Variants in SLC2A6 observed in about 807,000 individuals in gnomAD.
SLC2A6 encodes the protein solute carrier family 2 member 6, also known as solute carrier family 2, facilitated glucose transporter member 6.
A neutral mutation model predicts 47.8 loss-of-function variants in SLC2A6; 39 were observed. That is an observed-to-expected ratio of 0.82 (90% CI 0.63 to 1.07). The LOEUF (loss-of-function observed/expected upper bound fraction) is 1.07, where lower values mean the gene tolerates loss of function less well. Ranked by LOEUF, SLC2A6 falls within the 50% of genes least tolerant of loss-of-function variation. The probability of loss-of-function intolerance (pLI) is 0.00; values close to 1 mark genes in which losing one functional copy is unlikely to be tolerated. For missense variants in SLC2A6, 650 were observed against 707.6 expected (o/e 0.92, Z 0.92); for synonymous variants, 346 against 324.1 (o/e 1.07, Z -0.73).
At chr9:133,473,692 G>A (rs916604658) in intron 7 of SLC2A6, 92 bp from the exon 8 acceptor site, 19 of 1,311,194 alleles carry the variant, frequency 1.4e-5, no homozygotes, top group South Asian at 7.9e-5. Flanking sequence ...TGATACTTGC[G>A]TGGTCCAGCT....
rs1843730441 is a variant in SLC2A6, at chr9:133,471,909, T to C, written c.*112A>G. The C allele has an allele frequency of 3.1e-6, 4 of 1,306,482 alleles. No individual in the cohort carries two copies. Among genetic ancestry groups the C allele is most frequent in the Non-Finnish European group, 4.2e-6 (4 of 948,054 alleles). 80.9% of individuals were successfully genotyped at this position (1,306,482 alleles called of 1,614,324 possible). A position where few individuals can be genotyped will look rare whatever the true frequency, so the allele number is the denominator to read the frequency against. ...CCCCATCACACTGCTCTTCCTGTGC[T>C]CTGGCTGGTGGCAGGGATGACTGCT... On this transcript the variant is annotated 3_prime_UTR_variant, in exon 10 of 10. Transcript: ENST00000371899.
rs782075758 is a variant in SLC2A6 at position 133,474,947 on chromosome 9, G to A, written c.927+14C>T. 5.9e-6 allele frequency: 9 copies of A among 1,517,608 alleles called. No homozygotes were observed. In the African/African-American group the frequency reaches 9.7e-5, roughly 16 times the overall value. The allele number at this position is 1,517,608 out of a possible 1,614,324, so 94.0% of individuals were successfully genotyped here. On this transcript the variant is annotated intron_variant, in intron 6 of 9. Transcript: ENST00000371899. ...GACCCCGTGGGTGGGCGCCGGCCGG[G>A]GCTGGGCTCTCACCAGCAGGACAGC...
chr9:133,478,675 G>A (rs1399494284), intron 1 of SLC2A6: 5 of 592,612 alleles, frequency 8.4e-6, no homozygotes, highest in Admixed American at 3.2e-5. Flanking sequence ...TGCCCCCAGG[G>A]CGGCGGCTGG....
Position 133,473,122 on chromosome 9 carries a change from A to T in SLC2A6, c.1351T>A (p.Ser451Thr). ...SWLTAFVLTK[S>T]FLPVVSTFGL... ...ACACTCACCACCACTGGCAGGAAGG[A>T]CTTGGTGAGGACGAAGGCGGTGAGC... The change falls in exon 9 of 10, where the codon TCC becomes ACC. Residue 451 changes from serine to threonine, a missense_variant. Physicochemically the swap from Ser to Thr is moderately conservative, Grantham distance 58. Coordinates refer to ENST00000371899, the MANE Select transcript of SLC2A6 (RefSeq NM_017585.4). 6.2e-7 allele frequency: 1 copy of T among 1,609,912 alleles called. No individual in the cohort carries two copies. Among genetic ancestry groups the T allele is most frequent in the Non-Finnish European group, 8.5e-7 (1 of 1,178,996 alleles).
Position 133,478,979 on chromosome 9 carries a change from C to A in SLC2A6, c.81G>T (p.Arg27Ser). 1 of 1,590,044 alleles carries A rather than the reference C, an allele frequency of 6.3e-7. No homozygotes were observed. Among genetic ancestry groups the A allele is most frequent in the East Asian group, 2.3e-5 (1 of 43,076 alleles). Residue 27 changes from arginine to serine, a missense_variant, in exon 1 of 10, where the codon AGG becomes AGT. Coordinates refer to ENST00000371899, the MANE Select transcript of SLC2A6 (RefSeq NM_017585.4). ...PEKPPPSPGD[R>S]ARVGTLQNKR... ...CTAGCGACTCTCACCCGACCCGCGC[C>A]CTGTCCCCTGGCGACGGGGGCGGCT...
intron 6 of SLC2A6, 72 bp from the exon 7 acceptor site, chr9:133,474,160 C>A (rs951458742): frequency 5.4e-6 from 7 of 1,304,238 alleles, no homozygotes; most frequent in Admixed American, 4.2e-5. Flanking sequence ...CCCAGCTTGT[C>A]CCGGCAGGCA....
intron 7 of SLC2A6, 109 bp from the exon 8 acceptor site, chr9:133,473,709 T>C: frequency 8.4e-7 from 1 of 1,183,800 alleles, no homozygotes; most frequent in Non-Finnish European, 1.2e-6. Flanking sequence ...AGCTCGTGTC[T>C]GGGACTAGAG....
Position 133,471,971 on chromosome 9 carries a change from C to T in SLC2A6, c.*50G>A. ...CCAGGGTGCAGGTTTGTAGCCAACA[C>T]AGAGGCCCAGCCACTGGGGGTTTGG... On this transcript the variant is annotated 3_prime_UTR_variant, in exon 10 of 10. Transcript: ENST00000371899. 6.3e-7 allele frequency: 1 copy of T among 1,587,368 alleles called. No individual in the cohort carries two copies. Among genetic ancestry groups the T allele is most frequent in the Non-Finnish European group, 8.6e-7 (1 of 1,163,702 alleles).
intron 9 of SLC2A6, among the ~76,000 whole-genome samples, chr9:133,472,890 C>G (rs1554802020): frequency 6.6e-6 from 1 of 152,202 alleles, no homozygotes; most frequent in Non-Finnish European, 1.5e-5. Flanking sequence ...GAACAGTTGC[C>G]TACGCCCGTT....
At position 133,478,317 on chromosome 9, in the gene SLC2A6, T is replaced by C; in HGVS notation, c.192A>G (p.Pro64=). 2 of 1,614,092 alleles carry C rather than the reference T, an allele frequency of 1.2e-6. No individual in the cohort carries two copies. Among genetic ancestry groups the C allele is most frequent in the East Asian group, 4.5e-5 (2 of 44,884 alleles). Residue 64 remains proline (P), a synonymous_variant, in exon 2 of 10, where the codon CCA becomes CCG. Coordinates refer to ENST00000371899, the MANE Select transcript of SLC2A6 (RefSeq NM_017585.4). ...YALVYTSPVI[P]ALERSLDPDL... is the part of the protein sequence containing the mutation. The stretch of plus-strand genomic sequence containing the variant: ...CAGGATCCAAGGAGCGCTCCAGGGC[T>C]GGGATGACAGGGGATGTGTAGACCA...
Position 133,473,572 on chromosome 9 carries a change from A to G in SLC2A6, c.1065T>C (p.Thr355=). 1.3e-6 allele frequency: 2 copies of G among 1,548,546 alleles called. No homozygotes were observed. The highest frequency in any genetic ancestry group is 1.7e-6 in the Non-Finnish European group (2 of 1,147,134). The change falls in exon 8 of 10, where the codon ACT becomes ACC. Residue 355 remains threonine (T), a synonymous_variant. Coordinates refer to ENST00000371899, the MANE Select transcript of SLC2A6 (RefSeq NM_017585.4). Reference sequence around the variant, plus strand: ...GGCCAAAGTGGATGTACAGCCCCAGAGTCAGGTTGGCAGCAAACATGATGG... The same window carrying G: ...GGCCAAAGTGGATGTACAGCCCCAGGGTCAGGTTGGCAGCAAACATGATGG... ...SAAIMFAANL[T]LGLYIHFGPR...
At position 133,478,741 on chromosome 9, in the gene SLC2A6, T is replaced by C. The variant is rs1844057666; in HGVS notation, c.92+227A>G. ...CTGCTCGCTGGGGCCTCAGTCTCAC[T>C]GTCTGTGGCAGTGGGGGGCTGGGCC... is the stretch of plus-strand genomic sequence containing the variant. On this transcript the variant is annotated intron_variant, in intron 1 of 9. Transcript: ENST00000371899. 3 of 589,358 alleles carry C rather than the reference T, an allele frequency of 5.1e-6. No individual in the cohort carries two copies. The African/African-American group carries it at 5.6e-5, about 11-fold the overall frequency. The allele number at this position is 589,358 out of a possible 1,614,324, so 36.5% of individuals were successfully genotyped here. A position where few individuals can be genotyped will look rare whatever the true frequency, so the allele number is the denominator to read the frequency against.
chr9:133,477,898 G>A (rs1220694370), intron 2 of SLC2A6, among the ~76,000 whole-genome samples: 2 of 152,148 alleles, frequency 1.3e-5, no homozygotes, highest in Non-Finnish European at 2.9e-5. Flanking sequence ...TCTGTCCTGC[G>A]GACTCTCCTT....
At chr9:133,475,182 C>T (rs782042195) in intron 5 of SLC2A6, 69 bp from the exon 6 acceptor site, 183 of 1,444,290 alleles carry the variant, frequency 1.3e-4, no homozygotes, top group Middle Eastern at 9.9e-4. Context: ...TGCCCTGGAC[C>T]GCCAGGGGTT....
At chr9:133,474,182 C>T in intron 6 of SLC2A6, 94 bp from the exon 7 acceptor site, 3 of 975,672 alleles carry the variant, frequency 3.1e-6, no homozygotes, top group Non-Finnish European at 4.6e-6. Context: ...TGCAGGGGCT[C>T]AGGCCAGCAG....
rs782673719 is a variant in SLC2A6 at position 133,475,380 on chromosome 9, G to C, written c.774+20C>G. 2.3e-5 allele frequency: 36 copies of C among 1,566,778 alleles called. No individual in the cohort carries two copies. Among genetic ancestry groups the C allele is most frequent in the Non-Finnish European group, 9.5e-6 (11 of 1,154,496 alleles). ...TGCTGGAGGTGGGCCTGCCCGGTTC[G>C]GGCGCACACCCTCCTGCACCTGTCT... On this transcript the variant is annotated intron_variant, in intron 5 of 9. Transcript: ENST00000371899.
At position 133,473,211 on chromosome 9, in the gene SLC2A6, A is replaced by G; in HGVS notation, c.1262T>C (p.Met421Thr). 3 of 1,598,990 alleles carry G rather than the reference A, an allele frequency of 1.9e-6. No homozygotes were observed. The highest frequency in any genetic ancestry group is 2.3e-5 in the East Asian group (1 of 44,210). ...GGCACGCAGGGGCAGGACCTCAGAC[A>G]TGAGCAGCCAGGTGATGGGACCCCA... ...VGWGPITWLL[M>T]SEVLPLRARG... The change falls in exon 9 of 10, where the codon ATG becomes ACG. Residue 421 changes from methionine to threonine, a missense_variant. Met to Thr is a moderately conservative substitution (Grantham distance 81, BLOSUM62 -1). Transcript: ENST00000371899.
intron 3 of SLC2A6, 136 bp from the exon 4 acceptor site, chr9:133,476,472 T>C (rs936424823): frequency 2.5e-5 from 18 of 727,108 alleles, no homozygotes; most frequent in African/African-American, 1.4e-4. Context: ...GTCCTGGTCA[T>C]GACTCACTGC....
Position 133,478,256 on chromosome 9 carries a change from CA to C in SLC2A6, c.252del (p.Phe84LeufsTer14), listed in dbSNP as rs782282443. On this transcript the variant is annotated frameshift_variant, in exon 2 of 10. Coordinates refer to ENST00000371899, the MANE Select transcript of SLC2A6 (RefSeq NM_017585.4). LOFTEE classifies it high-confidence loss of function. ...LHLTKSQASW[F>X]GSVFTLGAAA... ...CTCCTCCAGAGGATGGTCCTTACCC[CA>C]AACCAGGATGCCTGGGATTTGGTCA... The C allele has an allele frequency of 1.2e-6, 2 of 1,613,974 alleles. No individual in the cohort carries two copies. The highest frequency in any genetic ancestry group is 1.7e-5 in the Admixed American group (1 of 60,024).
Sources: allele counts gnomAD v4.1 joint callset (sites outside exome capture counted in the v4.1 genomes callset), GRCh38; gene constraint gnomAD v4.1.1; transcripts MANE v1.5; gene names NCBI Gene and HGNC (gene_info 2026-07-23, HGNC 2026-07-21).